ZDHHC6: variants seen among roughly 807,000 people sequenced by gnomAD.
The protein encoded by ZDHHC6 is palmitoyltransferase ZDHHC6.
A neutral mutation model predicts 57.8 loss-of-function variants in ZDHHC6; 32 were observed. That is an observed-to-expected ratio of 0.55 (90% confidence interval 0.42 to 0.74). The LOEUF is 0.74. Ranked by LOEUF, ZDHHC6 falls within the 30% of genes least tolerant of loss-of-function variation. The probability of loss-of-function intolerance (pLI) is 0.00; values close to 1 mark genes in which losing one functional copy is unlikely to be tolerated. For synonymous variants in ZDHHC6, 128 were observed against 158.0 expected, an observed-to-expected ratio of 0.81 and a Z score of 1.42; for missense variants, 433 against 500.7, an observed-to-expected ratio of 0.86 and a Z score of 1.29.
At position 112,430,604 on chromosome 10, in the gene ZDHHC6, A is replaced by T; in HGVS notation, c.*200T>A. On this transcript the variant is annotated 3_prime_UTR_variant, in exon 11 of 11. Transcript: ENST00000369405. ...TGAGGGGGAGGAAGAGGTGGTAAAG[A>T]GGGGCAGGAATTCAAAGGCATATGC... 1 of 436,794 alleles carries T rather than the reference A, an allele frequency of 2.3e-6. No homozygotes were observed. The highest frequency in any genetic ancestry group is 4.1e-6 in the Non-Finnish European group (1 of 246,580). 27.1% of individuals were successfully genotyped at this position (436,794 alleles called of 1,614,324 possible).
intron 10 of ZDHHC6, among the ~76,000 whole-genome samples, chr10:112,431,506 G>T: frequency 6.6e-6 from 1 of 151,814 alleles, no homozygotes; most frequent in Non-Finnish European, 1.5e-5. Flanking sequence ...TAGAGATAGG[G>T]TTTCACCATG....
At position 112,443,609 on chromosome 10, in the gene ZDHHC6, T is replaced by C. The variant is rs778845347; in HGVS notation, c.268-3A>G. On this transcript the variant is annotated splice_region_variant and splice_polypyrimidine_tract_variant and intron_variant, in intron 2 of 10. Coordinates refer to ENST00000369405, the MANE Select transcript of ZDHHC6 (RefSeq NM_022494.3). ...TACATGGTATCCTGAGAAATTTCCT[T>C]GGCAGCAAAACAGAAACAAAAATGC... The C allele has an allele frequency of 1.2e-6, 2 of 1,610,474 alleles. No homozygotes were observed. The highest frequency in any genetic ancestry group is 2.2e-5 in the South Asian group (2 of 90,732).
At chr10:112,427,262 T>A (rs755989231), downstream of ZDHHC6, 2 of 1,613,492 alleles carry the variant, frequency 1.2e-6, no homozygotes, top group Non-Finnish European at 1.7e-6. Context: ...CCATTGAAAA[T>A]GGGCTCTTGA....
downstream of ZDHHC6, among the ~76,000 whole-genome samples, chr10:112,428,809 T>C (rs1219757540): frequency 2.0e-5 from 3 of 151,686 alleles, no homozygotes; most frequent in Admixed American, 2.0e-4. Flanking sequence ...AAACCACTAA[T>C]GCCTGGTTGC....
At position 112,424,635 on chromosome 10, in the gene ZDHHC6, G is replaced by A. The variant is rs186459700; in HGVS notation, c.*1002C>T. The A allele has an allele frequency of 3.9e-5, 6 of 152,276 alleles. No individual in the cohort carries two copies. The East Asian group carries it at 9.6e-4, about 24-fold the overall frequency. The allele number at this position is 152,276 out of a possible 1,614,324, so 9.4% of individuals were successfully genotyped here. ...GAATTGATGGCTAATTTATCAAGTC[G>A]GCCTTGTGATAGTTCCAGTGTTGGT... On this transcript the variant is annotated 3_prime_UTR_variant, in exon 12 of 12. Transcript: ENST00000626395.
chr10:112,431,319 C>CTT (rs34856773), intron 10 of ZDHHC6, among the ~76,000 whole-genome samples: 1 of 145,486 alleles, frequency 6.9e-6, no homozygotes, highest in Non-Finnish European at 1.5e-5. Context: ...ATATTTCTTT[C>CTT]TTTTTTTTTT....
At position 112,440,656 on chromosome 10, in the gene ZDHHC6, C is replaced by T; in HGVS notation, c.559G>A (p.Ala187Thr). ...ATTGGAAGAGGATCTCTCCGGGCTGCACTCATGTCGATCTTCACTGTGTTC... is the reference window on the plus strand; with the variant it reads ...ATTGGAAGAGGATCTCTCCGGGCTGTACTCATGTCGATCTTCACTGTGTTC... ...GWNTVKIDMS[A>T]ARRDPLPIVP... The change falls in exon 5 of 11, where the codon GCA (alanine) becomes ACA (threonine). Residue 187 changes from alanine to threonine, a missense_variant. By Grantham distance (58) the Ala-to-Thr change is moderately conservative. Coordinates refer to ENST00000369405, the MANE Select transcript of ZDHHC6 (RefSeq NM_022494.3). The T allele has an allele frequency of 6.2e-7, 1 of 1,613,828 alleles. No individual in the cohort carries two copies. Among genetic ancestry groups the T allele is most frequent in the African/African-American group, 1.3e-5 (1 of 75,032 alleles).
downstream of ZDHHC6, chr10:112,426,251 TC>T (rs781697250): frequency 3.6e-5 from 58 of 1,612,510 alleles, no homozygotes; most frequent in Non-Finnish European, 4.8e-5. Flanking sequence ...TTATTTCCTT[TC>T]CATAGTCATC....
upstream of ZDHHC6, chr10:112,447,270 C>A (rs760636886): frequency 2.4e-6 from 3 of 1,273,642 alleles, no homozygotes; most frequent in Middle Eastern, 2.6e-4. Flanking sequence ...GTTCTGCTCT[C>A]GGGGGCACCT....
intron 2 of ZDHHC6, 57 bp downstream of exon 2, chr10:112,445,113 C>G (rs887117682): frequency 8.9e-5 from 138 of 1,553,820 alleles, no homozygotes; most frequent in Non-Finnish European, 1.2e-4. Flanking sequence ...GTAGATAAGG[C>G]AAAAACCAAA....
intron 5 of ZDHHC6, among the ~76,000 whole-genome samples, chr10:112,439,299 T>A (rs2133865816): frequency 6.6e-6 from 1 of 152,196 alleles, no homozygotes; most frequent in South Asian, 2.1e-4. Context: ...AGGCCTTCAA[T>A]GAATGAATGA....
At chr10:112,445,797 C>T (rs1846604871) in intron 1 of ZDHHC6, 147 bp from the exon 2 acceptor site, 1 of 393,326 alleles carries the variant, frequency 2.5e-6, no homozygotes, top group East Asian at 3.6e-5. Flanking sequence ...TGTCAAATGT[C>T]AAAAAGAACT....
rs1337703964 is a variant in ZDHHC6, at chr10:112,433,344, T to G, written c.904-63A>C. Reference sequence around the variant, plus strand: ...TTGTCTCAATGTTGAAAAATCGCCTTTCCTCATCAACTGTCAGAGTGATAT... The same window carrying G: ...TTGTCTCAATGTTGAAAAATCGCCTGTCCTCATCAACTGTCAGAGTGATAT... On this transcript the variant is annotated intron_variant, in intron 7 of 10. Transcript: ENST00000369405. The G allele has an allele frequency of 5.1e-6, 7 of 1,361,478 alleles. No individual in the cohort carries two copies. In the East Asian group the frequency reaches 1.5e-4, roughly 29 times the overall value. The allele number at this position is 1,361,478 out of a possible 1,614,324, so 84.3% of individuals were successfully genotyped here.
At chr10:112,440,885 G>C (rs1170596233) in intron 4 of ZDHHC6, among the ~76,000 whole-genome samples, 190 bp from the exon 5 acceptor site, 1 of 151,902 alleles carries the variant, frequency 6.6e-6, no homozygotes, top group African/African-American at 2.4e-5. Flanking sequence ...TCACTCTGTC[G>C]CCCAGGCTGG....
At chr10:112,429,972 G>A (rs970908026), downstream of ZDHHC6, among the ~76,000 whole-genome samples, 19 of 151,622 alleles carry the variant, frequency 1.3e-4, no homozygotes, top group South Asian at 2.1e-4. Context: ...TTGTTGGGGG[G>A]GGGGTGTGGG....
chr10:112,443,062 A>T (rs1846286436), intron 3 of ZDHHC6, among the ~76,000 whole-genome samples: 1 of 152,198 alleles, frequency 6.6e-6, no homozygotes, highest in African/African-American at 2.4e-5. Context: ...ATATTAAAAC[A>T]TTTGTGATAA....
At chr10:112,435,162 C>T (rs758657697) in intron 6 of ZDHHC6, among the ~76,000 whole-genome samples, 9 of 152,126 alleles carry the variant, frequency 5.9e-5, no homozygotes, top group Non-Finnish European at 1.0e-4. Flanking sequence ...GGCATTTAAA[C>T]TGTTAGCTTT....
intron 2 of ZDHHC6, among the ~76,000 whole-genome samples, chr10:112,443,868 C>T (rs2133935433): frequency 6.6e-6 from 1 of 152,230 alleles, no homozygotes; most frequent in South Asian, 2.1e-4. Flanking sequence ...GTTCTACTTA[C>T]CCCAAATCTT....
At chr10:112,437,355 G>A (rs1168824517) in intron 6 of ZDHHC6, among the ~76,000 whole-genome samples, 1 of 151,980 alleles carries the variant, frequency 6.6e-6, no homozygotes, top group African/African-American at 2.4e-5. Context: ...ACCACATACT[G>A]GTAAAAGATT....
Sources: allele counts gnomAD v4.1 joint callset (sites outside exome capture counted in the v4.1 genomes callset), GRCh38; gene constraint gnomAD v4.1.1; transcripts MANE v1.5; gene names NCBI Gene and HGNC (gene_info 2026-07-23, HGNC 2026-07-21).